Variants in TNFSF4 observed in about 807,000 individuals in gnomAD.
The protein encoded by TNFSF4 is TNF superfamily member 4.
A neutral mutation model predicts 7.3 loss-of-function variants in TNFSF4; 4 were observed. The observed-to-expected ratio is 0.55, with a 90% CI of 0.27 to 1.25. The LOEUF is 1.25. TNFSF4 is among the 50% of genes most tolerant of loss of function. The probability of loss-of-function intolerance (pLI) is 0.12; values close to 1 mark genes in which losing one functional copy is unlikely to be tolerated. For missense variants in TNFSF4, 181 were observed against 208.8 expected, an observed-to-expected ratio of 0.87 and a Z score of 0.82; for synonymous variants, 76 against 83.7, an observed-to-expected ratio of 0.91 and a Z score of 0.50.
At chr1:173,380,778 C>T in the TNFSF4 span, among the ~76,000 whole-genome samples, 5 of 152,188 alleles carry the variant, frequency 3.3e-5, no homozygotes, top group African/African-American at 9.6e-5. Flanking sequence ...AGCCACCCAC[C>T]GGAGCTACCT....
At chr1:173,233,179 C>T in the TNFSF4 span, among the ~76,000 whole-genome samples, 8 of 152,280 alleles carry the variant, frequency 5.3e-5, no homozygotes, top group South Asian at 1.7e-3. Flanking sequence ...CTACATGACA[C>T]ATGCACAAGC....
chr1:173,189,397 G>C (rs1488455539), intron 1 of TNFSF4, among the ~76,000 whole-genome samples: 1 of 152,120 alleles, frequency 6.6e-6, no homozygotes, highest in Non-Finnish European at 1.5e-5. Context: ...CCTATTTTCA[G>C]GGGACAAAGG....
the TNFSF4 span, among the ~76,000 whole-genome samples, chr1:173,243,764 A>T: frequency 6.6e-6 from 1 of 152,164 alleles, no homozygotes; most frequent in Admixed American, 6.5e-5. Flanking sequence ...GTCCCAGGAT[A>T]CACTAAAACC....
the TNFSF4 span, among the ~76,000 whole-genome samples, chr1:173,379,943 T>C: frequency 5.9e-5 from 9 of 152,212 alleles, no homozygotes; most frequent in Non-Finnish European, 1.2e-4. Context: ...CCCAACCAGA[T>C]GATCCAACAA....
chr1:173,407,104 C>A, the TNFSF4 span, among the ~76,000 whole-genome samples: 2 of 151,944 alleles, frequency 1.3e-5, no homozygotes, highest in Non-Finnish European at 2.9e-5. Context: ...GTGCAGGGAG[C>A]AAAGGCAGTG....
chr1:173,258,426 T>C, the TNFSF4 span, among the ~76,000 whole-genome samples: 5 of 151,954 alleles, frequency 3.3e-5, no homozygotes, highest in South Asian at 2.1e-4. Flanking sequence ...CAGTGAGTGA[T>C]TGTGCTACCC....
At chr1:173,178,955 A>C (rs1324000894), downstream of TNFSF4, among the ~76,000 whole-genome samples, 1 of 152,218 alleles carries the variant, frequency 6.6e-6, no homozygotes, top group African/African-American at 2.4e-5. Context: ...AGAAAATGTG[A>C]TATGATACAG....
the TNFSF4 span, among the ~76,000 whole-genome samples, chr1:173,250,060 T>G: frequency 6.6e-6 from 1 of 152,208 alleles, no homozygotes; most frequent in Non-Finnish European, 1.5e-5. Context: ...TCTTCAAATG[T>G]GTACTTTTCC....
At chr1:173,394,908 TTAGA>T in the TNFSF4 span, among the ~76,000 whole-genome samples, 1 of 149,078 alleles carries the variant, frequency 6.7e-6, no homozygotes. Flanking sequence ...TCTTTAATAT[TTAGA>T]TAGATAGAGA....
At chr1:173,238,709 G>A in the TNFSF4 span, among the ~76,000 whole-genome samples, 4 of 149,212 alleles carry the variant, frequency 2.7e-5, no homozygotes, top group Admixed American at 2.0e-4. Flanking sequence ...GAGATCCCAT[G>A]TTACACCAGT....
the TNFSF4 span, among the ~76,000 whole-genome samples, chr1:173,370,621 A>C: frequency 6.6e-6 from 1 of 152,204 alleles, no homozygotes; most frequent in East Asian, 1.9e-4. Flanking sequence ...TGATCCTAAA[A>C]GATAAGTTTA....
the TNFSF4 span, among the ~76,000 whole-genome samples, chr1:173,264,906 A>T: frequency 6.6e-6 from 1 of 152,232 alleles, no homozygotes; most frequent in Non-Finnish European, 1.5e-5. Flanking sequence ...AAGGTTATTG[A>T]ATGAAAATTA....
chr1:173,422,225 C>T, the TNFSF4 span, among the ~76,000 whole-genome samples: 1,311 of 142,176 alleles, frequency 9.2e-3, 18 homozygotes, highest in African/African-American at 0.036. Flanking sequence ...TACCAATGGC[C>T]ATTACCAATG....
chr1:173,235,182 T>C, the TNFSF4 span, among the ~76,000 whole-genome samples: 1 of 152,212 alleles, frequency 6.6e-6, no homozygotes, highest in Non-Finnish European at 1.5e-5. Context: ...GTCTTGGCTC[T>C]CCTTTTGATG....
At chr1:173,407,703 G>GGTGTGTGT in the TNFSF4 span, among the ~76,000 whole-genome samples, 2,960 of 148,278 alleles carry the variant, frequency 0.02, 68 homozygotes, top group African/African-American at 0.046. Flanking sequence ...GATGTAAATG[G>GGTGTGTGT]GTGTGTGTGT....
chr1:173,344,805 T>C, the TNFSF4 span, among the ~76,000 whole-genome samples: 3,294 of 152,296 alleles, frequency 0.022, 138 homozygotes, highest in African/African-American at 0.076. Context: ...AGCATAAAAA[T>C]AATTTTAGAA....
chr1:173,233,099 G>T, the TNFSF4 span, among the ~76,000 whole-genome samples: 1 of 152,164 alleles, frequency 6.6e-6, no homozygotes. Context: ...TTGGACAAAT[G>T]GCTAACTGAA....
At chr1:173,347,779 A>G in the TNFSF4 span, among the ~76,000 whole-genome samples, 1 of 152,242 alleles carries the variant, frequency 6.6e-6, no homozygotes, top group Non-Finnish European at 1.5e-5. Context: ...TCTCAGCCTC[A>G]GCAACATTGA....
At chr1:173,228,156 A>G in the TNFSF4 span, among the ~76,000 whole-genome samples, 1 of 152,210 alleles carries the variant, frequency 6.6e-6, no homozygotes, top group Non-Finnish European at 1.5e-5. Context: ...ACCCATGAGT[A>G]GCCTAACTGG....
Sources: gnomAD v4.1 joint callset for allele counts (sites outside exome capture counted in the v4.1 genomes callset) on GRCh38, gnomAD v4.1.1 for gene constraint, MANE v1.5 for transcripts, NCBI Gene and HGNC (gene_info 2026-07-23, HGNC 2026-07-21) for gene names.